The following HS6ST3 variants were observed in gnomAD, a reference collection of about 807,000 sequenced individuals.
The protein encoded by HS6ST3 is heparan-sulfate 6-O-sulfotransferase 3.
In HS6ST3, 12 loss-of-function variants were observed where a neutral mutation model predicts 36.7. That is an observed-to-expected ratio of 0.33 (90% CI 0.21 to 0.53). The LOEUF is 0.53. HS6ST3 is among the 20% of genes least tolerant of loss of function. The pLI, the probability that HS6ST3 is intolerant of heterozygous loss-of-function variation, is 0.95. For missense variants in HS6ST3, 584 were observed against 640.9 expected, an observed-to-expected ratio of 0.91 and a Z score of 0.96; for synonymous variants, 240 against 257.5, an observed-to-expected ratio of 0.93 and a Z score of 0.65.
intron 1 of HS6ST3, among the ~76,000 whole-genome samples, chr13:96,810,176 T>TAAG (rs1878287534): frequency 6.6e-6 from 1 of 152,196 alleles, no homozygotes; most frequent in African/African-American, 2.4e-5. Context: ...CTGACAGAAC[T>TAAG]AAGTACAGGG....
At chr13:96,494,288 C>A (rs996595494) in intron 1 of HS6ST3, among the ~76,000 whole-genome samples, 10 of 149,752 alleles carry the variant, frequency 6.7e-5, no homozygotes, top group African/African-American at 2.0e-4. Context: ...CAAACTATCG[C>A]AAGGACAAAA....
chr13:96,665,194 A>G (rs1047234610), intron 1 of HS6ST3, among the ~76,000 whole-genome samples: 8 of 152,234 alleles, frequency 5.3e-5, no homozygotes, highest in Non-Finnish European at 1.2e-4. Context: ...AAATAAATAA[A>G]CAAGGCCAAA....
intron 1 of HS6ST3, among the ~76,000 whole-genome samples, chr13:96,198,682 C>T (rs1327763959): frequency 1.3e-5 from 2 of 152,204 alleles, no homozygotes; most frequent in South Asian, 2.1e-4. Context: ...ACAAGTTCCT[C>T]ATCTCCATCT....
At chr13:96,116,579 G>C (rs1357589907) in intron 1 of HS6ST3, among the ~76,000 whole-genome samples, 1 of 152,156 alleles carries the variant, frequency 6.6e-6, no homozygotes, top group Non-Finnish European at 1.5e-5. Context: ...GCAGATAAGC[G>C]TATTATTCAT....
At chr13:96,806,029 A>G (rs1462926501) in intron 1 of HS6ST3, among the ~76,000 whole-genome samples, 2 of 152,160 alleles carry the variant, frequency 1.3e-5, no homozygotes, top group Admixed American at 6.5e-5. Flanking sequence ...CTCAAATTCT[A>G]TTTCAGGGTT....
chr13:96,677,182 A>T (rs909440876), intron 1 of HS6ST3, among the ~76,000 whole-genome samples: 1 of 152,138 alleles, frequency 6.6e-6, no homozygotes, highest in Non-Finnish European at 1.5e-5. Flanking sequence ...GTCTTTTAAG[A>T]GTCAAAGTTA....
At position 96,701,229 on chromosome 13, in the gene HS6ST3, T is replaced by G. The variant is rs377280620; in HGVS notation, c.708-131261T>G. On this transcript the variant is annotated intron_variant, in intron 1 of 1. Transcript: ENST00000376705. ...CTATCATGACGACTGGTGCAGTGTA[T>G]GATTAAAACCCGCCTTTCACTTTGT... Among the ~76,000 whole-genome samples, 363 of 152,310 alleles carry G rather than the reference T, an allele frequency of 2.4e-3. 3 individuals carry two copies. Among genetic ancestry groups the G allele is most frequent in the African/African-American group, 8.2e-3 (343 of 41,578 alleles).
chr13:96,480,385 A>T (rs2055884806), intron 1 of HS6ST3, among the ~76,000 whole-genome samples: 1 of 152,146 alleles, frequency 6.6e-6, no homozygotes, highest in African/African-American at 2.4e-5. Flanking sequence ...AAGAGCTGGG[A>T]TTACAGGCAT....
intron 1 of HS6ST3, among the ~76,000 whole-genome samples, chr13:96,755,472 C>T (rs955010790): frequency 6.6e-6 from 1 of 152,096 alleles, no homozygotes; most frequent in African/African-American, 2.4e-5. Context: ...TCAAGCGATT[C>T]TCCTGCCTCA....
At chr13:96,690,145 T>C (rs1874910971) in intron 1 of HS6ST3, among the ~76,000 whole-genome samples, 4 of 152,010 alleles carry the variant, frequency 2.6e-5, no homozygotes, top group Admixed American at 2.6e-4. Context: ...CCTACAACAT[T>C]AGGTTTAATA....
intron 1 of HS6ST3, among the ~76,000 whole-genome samples, chr13:96,369,888 AT>A (rs140903436): frequency 2.8e-4 from 42 of 151,194 alleles, no homozygotes; most frequent in African/African-American, 3.6e-4. Context: ...TCTTTCTACC[AT>A]TTTTTTTTAA....
At chr13:96,225,508 A>G (rs1489186662) in intron 1 of HS6ST3, among the ~76,000 whole-genome samples, 2 of 152,224 alleles carry the variant, frequency 1.3e-5, no homozygotes, top group African/African-American at 4.8e-5. Context: ...ATTTTAGATA[A>G]TCATGTTGAA....
At chr13:96,122,102 C>A (rs2053928354) in intron 1 of HS6ST3, among the ~76,000 whole-genome samples, 1 of 86,586 alleles carries the variant, frequency 1.2e-5, no homozygotes, top group African/African-American at 4.4e-5. Flanking sequence ...TCAAAATAAC[C>A]CTTTCAGGTA....
At chr13:96,694,953 C>T (rs1207185398) in intron 1 of HS6ST3, among the ~76,000 whole-genome samples, 1 of 152,122 alleles carries the variant, frequency 6.6e-6, no homozygotes, top group Non-Finnish European at 1.5e-5. Context: ...GAAACTCGGT[C>T]AAAACTGTCT....
chr13:96,402,196 T>C (rs919760392), intron 1 of HS6ST3, among the ~76,000 whole-genome samples: 1 of 152,200 alleles, frequency 6.6e-6, no homozygotes, highest in African/African-American at 2.4e-5. Flanking sequence ...ACTATCTATA[T>C]AAGACATGGA....
At chr13:96,092,741 C>A (rs1018639101) in intron 1 of HS6ST3, among the ~76,000 whole-genome samples, 1 of 152,212 alleles carries the variant, frequency 6.6e-6, no homozygotes, top group Non-Finnish European at 1.5e-5. Flanking sequence ...TTCACCACCA[C>A]TGAAGCATCT....
At chr13:96,587,882 G>T (rs1165569439) in intron 1 of HS6ST3, among the ~76,000 whole-genome samples, 1 of 152,150 alleles carries the variant, frequency 6.6e-6, no homozygotes, top group East Asian at 1.9e-4. Context: ...TCTAAGCTAT[G>T]AACACAGGAT....
At chr13:96,764,631 C>T (rs1877050607) in intron 1 of HS6ST3, among the ~76,000 whole-genome samples, 1 of 152,148 alleles carries the variant, frequency 6.6e-6, no homozygotes, top group South Asian at 2.1e-4. Context: ...TTTTATTAAT[C>T]ATTGATTGTG....
intron 1 of HS6ST3, among the ~76,000 whole-genome samples, chr13:96,713,753 G>T (rs1875626433): frequency 6.6e-6 from 1 of 151,924 alleles, no homozygotes; most frequent in Non-Finnish European, 1.5e-5. Context: ...TCTTTAGAGT[G>T]AAAAATTACA....
Sources: gnomAD v4.1 joint callset for allele counts (sites outside exome capture counted in the v4.1 genomes callset) on GRCh38, gnomAD v4.1.1 for gene constraint, MANE v1.5 for transcripts, NCBI Gene and HGNC (gene_info 2026-07-23, HGNC 2026-07-21) for gene names.